Variants in RAPGEF5 observed in about 807,000 individuals in gnomAD.
The protein encoded by RAPGEF5 is Rap guanine nucleotide exchange factor 5.
In RAPGEF5, 65 loss-of-function variants were observed where a neutral mutation model predicts 125.2. The ratio of observed to expected loss-of-function variants is 0.52; its 90% CI spans 0.43 to 0.64. The LOEUF (loss-of-function observed/expected upper bound fraction) is 0.64, where lower values mean the gene tolerates loss of function less well. Ranked by LOEUF, RAPGEF5 falls within the 30% of genes least tolerant of loss-of-function variation. The probability of loss-of-function intolerance (pLI) is 0.00; values close to 1 mark genes in which losing one functional copy is unlikely to be tolerated. For missense variants in RAPGEF5, 958 were observed against 1,048.1 expected, an observed-to-expected ratio of 0.91 and a Z score of 1.19; for synonymous variants, 391 against 385.9, an observed-to-expected ratio of 1.01 and a Z score of -0.16.
intron 23 of RAPGEF5, 35 bp downstream of exon 23, chr7:22,136,003 G>GA (rs765223285): frequency 9.7e-4 from 1,451 of 1,502,596 alleles, no homozygotes; most frequent in Non-Finnish European, 1.2e-3. Flanking sequence ...TCTGAAATAT[G>GA]AAATTACATG....
rs536087708 is a variant in RAPGEF5, at chr7:22,332,311, C to A, written c.232-14274G>T. ...ATTTAATGCCCTGTCAAACCTTCTTCATTTCAGTAAGGTTTTCAATGGCAA... is the reference window on the plus strand; with the variant it reads ...ATTTAATGCCCTGTCAAACCTTCTTAATTTCAGTAAGGTTTTCAATGGCAA... On this transcript the variant is annotated intron_variant, in intron 1 of 25. Transcript: ENST00000665637. Among the ~76,000 whole-genome samples, 5 of 152,296 alleles carry A rather than the reference C, an allele frequency of 3.3e-5. No individual in the cohort carries two copies. In the South Asian group the frequency reaches 1.0e-3, roughly 32 times the overall value.
intron 9 of RAPGEF5, among the ~76,000 whole-genome samples, chr7:22,209,330 T>C (rs772316503): frequency 3.9e-5 from 6 of 152,210 alleles, no homozygotes; most frequent in Non-Finnish European, 7.3e-5. Flanking sequence ...AGATCTTCCT[T>C]TTATCCCTTT....
chr7:22,296,291 A>C (rs1020489375), intron 5 of RAPGEF5, among the ~76,000 whole-genome samples: 2 of 152,156 alleles, frequency 1.3e-5, no homozygotes, highest in Non-Finnish European at 2.9e-5. Context: ...GACTGGCATT[A>C]AAAAGACAGT....
intron 1 of RAPGEF5, among the ~76,000 whole-genome samples, chr7:22,329,620 C>T (rs186725668): frequency 6.6e-6 from 1 of 152,178 alleles, no homozygotes; most frequent in East Asian, 1.9e-4. Context: ...CAACAATACC[C>T]AATAAACAAA....
chr7:22,275,281 C>A (rs1782530870), intron 6 of RAPGEF5, among the ~76,000 whole-genome samples: 1 of 152,192 alleles, frequency 6.6e-6, no homozygotes, highest in East Asian at 1.9e-4. Context: ...CTGGAGGGCT[C>A]CAAAACTAGT....
intron 1 of RAPGEF5, among the ~76,000 whole-genome samples, chr7:22,345,023 G>C (rs1784196194): frequency 6.6e-6 from 1 of 152,240 alleles, no homozygotes; most frequent in Non-Finnish European, 1.5e-5. Context: ...TTGATAAAAA[G>C]GCAGATGATT....
At chr7:22,345,376 C>T (rs957855226) in intron 1 of RAPGEF5, among the ~76,000 whole-genome samples, 3 of 152,172 alleles carry the variant, frequency 2.0e-5, no homozygotes, top group Non-Finnish European at 4.4e-5. Context: ...CAATTTCAGG[C>T]ACTGATGATG....
At chr7:22,316,467 A>G (rs902121760) in intron 2 of RAPGEF5, among the ~76,000 whole-genome samples, 2 of 67,796 alleles carry the variant, frequency 3.0e-5, no homozygotes, top group Non-Finnish European at 5.2e-5. Context: ...AGACATATAT[A>G]TATATATATA....
rs1003905787 is a variant in RAPGEF5 at position 22,194,685 on chromosome 7, T to C, written c.997-652A>G. The stretch of plus-strand genomic sequence containing the variant: ...TCTCTAGTTAGAATCTCATCTAGGC[T>C]GAAATTCGGATGCCATGGATGACTG... On this transcript the variant is annotated intron_variant, in intron 9 of 25. Transcript: ENST00000665637. 3.0e-6 allele frequency: 3 copies of C among 985,294 alleles called. No homozygotes were observed. The African/African-American group carries it at 5.2e-5, about 17-fold the overall frequency. The allele number at this position is 985,294 out of a possible 1,614,324, so 61.0% of individuals were successfully genotyped here.
intron 18 of RAPGEF5, among the ~76,000 whole-genome samples, chr7:22,148,922 A>G (rs1783530892): frequency 6.6e-6 from 1 of 152,322 alleles, no homozygotes; most frequent in East Asian, 1.9e-4. Flanking sequence ...TATTTACTCA[A>G]AAATGCTGTG....
chr7:22,334,066 A>G (rs924255981), intron 1 of RAPGEF5, among the ~76,000 whole-genome samples: 6 of 152,210 alleles, frequency 3.9e-5, no homozygotes, highest in African/African-American at 1.4e-4. Flanking sequence ...CTGCTGAATA[A>G]AACTACATTT....
intron 6 of RAPGEF5, among the ~76,000 whole-genome samples, chr7:22,267,866 G>T (rs1348143861): frequency 6.8e-6 from 1 of 146,866 alleles, no homozygotes; most frequent in East Asian, 2.0e-4. Context: ...GTGATGATGG[G>T]TTTTTTTTTT....
intron 25 of RAPGEF5, 29 bp from the exon 26 acceptor site, chr7:22,122,550 T>A (rs1782612812): frequency 6.6e-7 from 1 of 1,513,436 alleles, no homozygotes; most frequent in Admixed American, 1.7e-5. Context: ...AAAAAGACAA[T>A]CTCAGGAGAG....
intron 11 of RAPGEF5, among the ~76,000 whole-genome samples, chr7:22,189,697 C>A (rs868542112): frequency 2.0e-5 from 3 of 152,118 alleles, no homozygotes; most frequent in African/African-American, 7.2e-5. Flanking sequence ...TTGAAAACAG[C>A]TTCAATCACT....
chr7:22,337,161 T>C lies in RAPGEF5; in HGVS notation c.232-19124A>G, dbSNP rs537829288. Among the ~76,000 whole-genome samples the C allele has an allele frequency of 2.6e-5, 4 of 152,290 alleles. No individual in the cohort carries two copies. In the South Asian group the frequency reaches 8.3e-4, roughly 32 times the overall value. On this transcript the variant is annotated intron_variant, in intron 1 of 25. Transcript: ENST00000665637. The stretch of plus-strand genomic sequence containing the variant: ...CCAGCCTCCCTGAAAATTTAAAGGC[T>C]AGACTTTTTCAAAGACAGTTTGGTG...
At chr7:22,320,327 C>G (rs1370313551) in intron 1 of RAPGEF5, among the ~76,000 whole-genome samples, 2 of 152,132 alleles carry the variant, frequency 1.3e-5, no homozygotes, top group African/African-American at 4.8e-5. Flanking sequence ...ACTGTACTTC[C>G]GCAGAGACCA....
intron 6 of RAPGEF5, among the ~76,000 whole-genome samples, chr7:22,282,856 A>G (rs987917808): frequency 1.1e-4 from 17 of 152,356 alleles, no homozygotes; most frequent in African/African-American, 4.1e-4. Context: ...ACAGCAAAAG[A>G]GTGAAAATAA....
intron 8 of RAPGEF5, among the ~76,000 whole-genome samples, chr7:22,220,451 C>T (rs140407255): frequency 2.0e-5 from 3 of 152,194 alleles, no homozygotes; most frequent in Admixed American, 6.5e-5. Context: ...CAAATTATTC[C>T]GTATATAAAT....
chr7:22,356,659 T>G (rs1583602154), intron 1 of RAPGEF5, 171 bp downstream of exon 1: 3 of 236,062 alleles, frequency 1.3e-5, no homozygotes, highest in Admixed American at 6.1e-5. Flanking sequence ...GCTCAGGGGG[T>G]GGCACCTCAA....
Sources: allele counts gnomAD v4.1 joint callset (sites outside exome capture counted in the v4.1 genomes callset), GRCh38; gene constraint gnomAD v4.1.1; transcripts MANE v1.5; gene names NCBI Gene and HGNC (gene_info 2026-07-23, HGNC 2026-07-21).